COL9A1: variants seen among roughly 807,000 people sequenced by gnomAD.
The protein encoded by COL9A1 is collagen type IX alpha 1 chain.
COL9A1 carries 104 observed loss-of-function variants against 142.6 expected under a neutral mutation model. The observed-to-expected ratio is 0.73, with a 90% CI of 0.62 to 0.86. The LOEUF (loss-of-function observed/expected upper bound fraction) is 0.86. Among genes scored for constraint, COL9A1 ranks in the 40% least tolerant of loss-of-function variants. The pLI, the probability that COL9A1 is intolerant of heterozygous loss-of-function variation, is 0.00. For synonymous variants in COL9A1, 466 were observed against 396.0 expected (o/e 1.18, Z -2.10); for missense variants, 1,210 against 1,176.6 (o/e 1.03, Z -0.42).
rs762249791 is a variant in COL9A1 at position 70,252,147 on chromosome 6, C to T, written c.1845G>A (p.Val615=). 1 of 1,614,120 alleles carries T rather than the reference C, an allele frequency of 6.2e-7. No homozygotes were observed. The highest frequency in any genetic ancestry group is 1.1e-5 in the South Asian group (1 of 91,070). Residue 615 remains valine, a synonymous_variant, in exon 28 of 38, where the codon GTG becomes GTA. Coordinates refer to ENST00000357250, the MANE Select transcript of COL9A1 (RefSeq NM_001851.6). ...GAAGCCCCTGGGGTCCTCGGGGTCCCACCTCTCCTGGAGGCCCCTGTTGGC... is the reference window on the plus strand; with the variant it reads ...GAAGCCCCTGGGGTCCTCGGGGTCCTACCTCTCCTGGAGGCCCCTGTTGGC... The part of the protein sequence containing the change: ...KPGQQGPPGE[V]GPRGPQGLPG...
Position 70,234,817 on chromosome 6 carries a change from G to A in COL9A1, c.2236C>T (p.Leu746=), listed in dbSNP as rs143853613. 1.2e-6 allele frequency: 2 copies of A among 1,614,094 alleles called. No homozygotes were observed. Among genetic ancestry groups the A allele is most frequent in the African/African-American group, 1.3e-5 (1 of 75,048 alleles). The change falls in exon 34 of 38, where the codon CTG becomes TTG. Residue 746 remains leucine (L), a synonymous_variant. Coordinates refer to ENST00000357250, the MANE Select transcript of COL9A1 (RefSeq NM_001851.6). The stretch of plus-strand genomic sequence containing the variant: ...ACCGGAGGGCCCTGGACACCAGGCA[G>A]GCCGGTGGCACCCTGTTCTCCCTGC... ...GVQGEQGATG[L]PGVQGPPGRA... is the part of the protein sequence containing the mutation.
chr6:70,284,715 T>C (rs1446886985), intron 5 of COL9A1, among the ~76,000 whole-genome samples: 1 of 152,228 alleles, frequency 6.6e-6, no homozygotes, highest in African/African-American at 2.4e-5. Context: ...TGGTATCTCT[T>C]AATTAAGGAG....
Position 70,216,145 on chromosome 6 carries a change from T to G in COL9A1, c.*752A>C, listed in dbSNP as rs1182340631. 1 of 152,638 alleles carries G rather than the reference T, an allele frequency of 6.6e-6. No homozygotes were observed. The highest frequency in any genetic ancestry group is 1.5e-5 in the Non-Finnish European group (1 of 68,040). The allele number at this position is 152,638 out of a possible 1,614,324, so 9.5% of individuals were successfully genotyped here. On this transcript the variant is annotated 3_prime_UTR_variant, in exon 38 of 38. Coordinates refer to ENST00000357250, the MANE Select transcript of COL9A1 (RefSeq NM_001851.6). ...AAGAGATTAAGAAACCATATTTATT[T>G]CTTCTTTGGTACAACCAGAGATGTT...
intron 18 of COL9A1, among the ~76,000 whole-genome samples, chr6:70,263,864 CTA>C (rs1321468836): frequency 1.3e-5 from 2 of 151,910 alleles, no homozygotes; most frequent in Non-Finnish European, 2.9e-5. Flanking sequence ...CTTTTCCACT[CTA>C]AAAATATACA....
At chr6:70,264,372 A>G (rs969957020) in intron 18 of COL9A1, among the ~76,000 whole-genome samples, 3 of 152,024 alleles carry the variant, frequency 2.0e-5, no homozygotes, top group African/African-American at 7.2e-5. Context: ...TTGATTTTTT[A>G]AACAAATTAT....
intron 36 of COL9A1, among the ~76,000 whole-genome samples, chr6:70,227,606 T>C (rs1769317619): frequency 6.6e-6 from 1 of 152,048 alleles, no homozygotes; most frequent in South Asian, 2.1e-4. Flanking sequence ...ATCAAAATTT[T>C]TACCCAGCAG....
intron 33 of COL9A1, among the ~76,000 whole-genome samples, chr6:70,236,165 T>TAA (rs914457789): frequency 6.7e-6 from 1 of 149,662 alleles, no homozygotes; most frequent in African/African-American, 2.5e-5. Flanking sequence ...AGTTACAACT[T>TAA]ACTTAAGTAT....
Position 70,302,077 on chromosome 6 carries a change from G to A in COL9A1, c.15-3C>T, listed in dbSNP as rs367798424. ...CAAAGAAGAAAACTGGAATTTTCCT[G>A]AAGAAGAGAGAAGAAAAATGACTGA... is the stretch of plus-strand genomic sequence containing the variant. On this transcript the variant is annotated splice_polypyrimidine_tract_variant and splice_region_variant and intron_variant, in intron 1 of 37. Transcript: ENST00000357250. 22 of 1,603,588 alleles carry A rather than the reference G, an allele frequency of 1.4e-5. No homozygotes were observed. Among genetic ancestry groups the A allele is most frequent in the African/African-American group, 1.3e-4 (10 of 74,756 alleles).
intron 19 of COL9A1, chr6:70,261,118 C>T (rs1185405443): frequency 1.1e-5 from 2 of 182,410 alleles, no homozygotes; most frequent in Admixed American, 1.1e-4. Flanking sequence ...TTTTTCTCAC[C>T]AATGGACACC....
intron 22 of COL9A1, 23 bp downstream of exon 22, chr6:70,255,314 G>A (rs995436165): frequency 1.2e-5 from 20 of 1,613,352 alleles, no homozygotes; most frequent in Non-Finnish European, 1.6e-5. Context: ...CAGGAGGCTT[G>A]GAGTGACTGA....
chr6:70,223,099 G>A (rs193212365), intron 37 of COL9A1, among the ~76,000 whole-genome samples: 99 of 152,278 alleles, frequency 6.5e-4, no homozygotes, highest in African/African-American at 2.1e-3. Flanking sequence ...TGGAGGGAAG[G>A]TCTGGGCATC....
intron 18 of COL9A1, among the ~76,000 whole-genome samples, chr6:70,264,435 A>G (rs1398864595): frequency 6.6e-6 from 1 of 152,054 alleles, no homozygotes; most frequent in Admixed American, 6.6e-5. Flanking sequence ...ATTATATTTC[A>G]CTAGAATCTA....
At chr6:70,227,591 T>G (rs80164481) in intron 36 of COL9A1, among the ~76,000 whole-genome samples, 2 of 152,022 alleles carry the variant, frequency 1.3e-5, no homozygotes, top group Non-Finnish European at 2.9e-5. Flanking sequence ...AATTTGACAA[T>G]AGCTATCAAA....
Position 70,274,057 on chromosome 6 carries a change from C to T in COL9A1, c.1055G>A (p.Arg352His), listed in dbSNP as rs200540554. Residue 352 changes from arginine (R) to histidine (H), a missense_variant, in exon 12 of 38, where the codon CGT (arginine) becomes CAT (histidine). Arg to His is a conservative substitution (Grantham distance 29). Coordinates refer to ENST00000357250, the MANE Select transcript of COL9A1 (RefSeq NM_001851.6). ...TTTACATTTACTTACTGGAAATCCA[C>T]GCGATCCAGGCACACCAGGTTCTCC... ...QKGEPGVPGS[R>H]GFPGRGIPGP... 56 of 1,561,424 alleles carry T rather than the reference C, an allele frequency of 3.6e-5. No homozygotes were observed. Among genetic ancestry groups the T allele is most frequent in the South Asian group, 1.1e-4 (9 of 81,794 alleles).
Position 70,266,916 on chromosome 6 carries a change from A to T in COL9A1, c.1288-146T>A, listed in dbSNP as rs74917222. On this transcript the variant is annotated intron_variant, in intron 17 of 37. Coordinates refer to ENST00000357250, the MANE Select transcript of COL9A1 (RefSeq NM_001851.6). Reference sequence around the variant, plus strand: ...ACAAAGAAAATTAATGCCTTAAATGACCTTAACAGCACCATGACTGCCATA... The same window carrying T: ...ACAAAGAAAATTAATGCCTTAAATGTCCTTAACAGCACCATGACTGCCATA... 1,221 of 740,514 alleles carry T rather than the reference A, an allele frequency of 1.6e-3. 17 individuals are homozygous for T. The African/African-American group carries it at 0.018, about 11-fold the overall frequency. 45.9% of individuals were successfully genotyped at this position (740,514 alleles called of 1,614,324 possible).
intron 5 of COL9A1, among the ~76,000 whole-genome samples, chr6:70,292,421 G>T (rs542481649): frequency 6.6e-6 from 1 of 152,116 alleles, no homozygotes; most frequent in Non-Finnish European, 1.5e-5. Flanking sequence ...CAGCTGCCAG[G>T]TTTCTGGTTA....
chr6:70,221,151 G>A (rs1016579792), intron 37 of COL9A1, among the ~76,000 whole-genome samples: 2 of 151,852 alleles, frequency 1.3e-5, no homozygotes, highest in Admixed American at 6.6e-5. Flanking sequence ...AACCACTAGA[G>A]GGTAGTCATG....
chr6:70,222,380 A>G (rs1768936430), intron 37 of COL9A1, among the ~76,000 whole-genome samples: 1 of 152,228 alleles, frequency 6.6e-6, no homozygotes, highest in Non-Finnish European at 1.5e-5. Flanking sequence ...AAGCCCTGGC[A>G]GCCTGGCTCC....
chr6:70,226,012 G>T lies in COL9A1; in HGVS notation c.2504-3C>A, dbSNP rs753195491. On this transcript the variant is annotated splice_polypyrimidine_tract_variant and splice_region_variant and intron_variant, in intron 36 of 37. Transcript: ENST00000357250. ...CTCCCCCTTTTCTCCCAAGTCACCTGCATTACATTAAAGAAATGTTATTTT... is the reference window on the plus strand; with the variant it reads ...CTCCCCCTTTTCTCCCAAGTCACCTTCATTACATTAAAGAAATGTTATTTT... 1.9e-6 allele frequency: 3 copies of T among 1,610,298 alleles called. No homozygotes were observed. The highest frequency in any genetic ancestry group is 4.5e-5 in the East Asian group (2 of 44,850).
Sources: gnomAD v4.1 joint callset for allele counts (sites outside exome capture counted in the v4.1 genomes callset) on GRCh38, gnomAD v4.1.1 for gene constraint, MANE v1.5 for transcripts, NCBI Gene and HGNC (gene_info 2026-07-23, HGNC 2026-07-21) for gene names.